FSD1L: variants seen among roughly 807,000 people sequenced by gnomAD.
FSD1L encodes fibronectin type III and SPRY domain containing 1 like, also known as FSD1-like protein.
In FSD1L, 45 loss-of-function variants were observed where a neutral mutation model predicts 71.6. The observed-to-expected ratio is 0.63, with a 90% CI of 0.49 to 0.81. The LOEUF (loss-of-function observed/expected upper bound fraction) is 0.81. Among genes scored for constraint, FSD1L ranks in the 30% least tolerant of loss-of-function variants. The pLI is 0.00. For synonymous variants in FSD1L, 197 were observed against 207.2 expected (o/e 0.95, Z 0.42); for missense variants, 561 against 618.1 (o/e 0.91, Z 0.98).
At chr9:105,543,399 C>T (rs1253231701) in intron 13 of FSD1L, among the ~76,000 whole-genome samples, 1 of 152,138 alleles carries the variant, frequency 6.6e-6, no homozygotes, top group Non-Finnish European at 1.5e-5. Context: ...TATAGCTGCT[C>T]TGTTCACAAG....
upstream of FSD1L, among the ~76,000 whole-genome samples, chr9:105,447,324 CAAAAAAAAAAAAAA>C (rs35514046): frequency 2.9e-4 from 18 of 61,552 alleles, no homozygotes; most frequent in African/African-American, 9.7e-4. Context: ...ACTCCATCTC[CAAAAAAAAAAAAAA>C]AAAAAAAAAA....
chr9:105,539,548 A>G (rs1216571233), intron 13 of FSD1L, among the ~76,000 whole-genome samples, 197 bp downstream of exon 13: 1 of 152,072 alleles, frequency 6.6e-6, no homozygotes, highest in Non-Finnish European at 1.5e-5. Flanking sequence ...ATTGAAGTTT[A>G]TGTTAATACA....
intron 6 of FSD1L, among the ~76,000 whole-genome samples, chr9:105,481,593 T>G (rs1832210023): frequency 6.6e-6 from 1 of 151,968 alleles, no homozygotes; most frequent in African/African-American, 2.4e-5. Context: ...GCCCGGCCCT[T>G]CAACTTAATT....
intron 7 of FSD1L, among the ~76,000 whole-genome samples, chr9:105,501,673 A>G (rs1182140528): frequency 6.7e-6 from 1 of 150,040 alleles, no homozygotes; most frequent in Non-Finnish European, 1.5e-5. Flanking sequence ...GCCTCAAGCC[A>G]TCCTCTAGCC....
At chr9:105,521,734 G>A (rs555619796) in intron 10 of FSD1L, 45 of 1,613,048 alleles carry the variant, frequency 2.8e-5, no homozygotes, top group Non-Finnish European at 3.5e-5. Context: ...GATCATGTTC[G>A]AAATTCCAGT....
At position 105,520,924 on chromosome 9, in the gene FSD1L, G is replaced by A. The variant is rs996807826; in HGVS notation, c.1025+7988G>A. 1.6e-5 allele frequency: 25 copies of A among 1,611,892 alleles called. No homozygotes were observed. The African/African-American group carries it at 3.2e-4, about 21-fold the overall frequency. On this transcript the variant is annotated intron_variant, in intron 10 of 13. Transcript: ENST00000481272. ...AAATACATAGTCATTCAGGTAAAAAGTTTAGAATGGAAGAACAAAGAAAAC... is the reference window on the plus strand; with the variant it reads ...AAATACATAGTCATTCAGGTAAAAAATTTAGAATGGAAGAACAAAGAAAAC...
intron 10 of FSD1L, chr9:105,521,468 G>A (rs1031842037): frequency 6.2e-7 from 1 of 1,613,690 alleles, no homozygotes; most frequent in African/African-American, 1.3e-5. Context: ...CTTCTAAAAG[G>A]AGTAATGTAA....
intron 3 of FSD1L, among the ~76,000 whole-genome samples, chr9:105,465,915 A>G (rs1271725555): frequency 6.6e-6 from 1 of 151,678 alleles, no homozygotes; most frequent in Non-Finnish European, 1.5e-5. Flanking sequence ...TCTGTCACCC[A>G]GGATGGAGTG....
At chr9:105,523,983 T>C in intron 10 of FSD1L, 1 of 1,597,072 alleles carries the variant, frequency 6.3e-7, no homozygotes, top group East Asian at 2.2e-5. Flanking sequence ...TTTGGTTTGC[T>C]TTCCCAACTT....
rs565163754 is a variant in FSD1L, at chr9:105,448,295, G to T, written c.15+60G>T. Reference sequence around the variant, plus strand: ...CAAGCCGGGCCGGCACAGGGTGGGCGGGGCGCCTGGGCCCGTGGGCTGTGG... The same window carrying T: ...CAAGCCGGGCCGGCACAGGGTGGGCTGGGCGCCTGGGCCCGTGGGCTGTGG... On this transcript the variant is annotated intron_variant, in intron 1 of 13. Coordinates refer to ENST00000481272, the MANE Select transcript of FSD1L (RefSeq NM_001145313.3). 4 of 1,450,556 alleles carry T rather than the reference G, an allele frequency of 2.8e-6. No individual in the cohort carries two copies. The African/African-American group carries it at 4.4e-5, about 16-fold the overall frequency. 89.9% of individuals were successfully genotyped at this position (1,450,556 alleles called of 1,614,324 possible). A position where few individuals can be genotyped will look rare whatever the true frequency, so the allele number is the denominator to read the frequency against.
intron 7 of FSD1L, among the ~76,000 whole-genome samples, chr9:105,495,096 C>G (rs543429485): frequency 3.5e-4 from 53 of 152,314 alleles, no homozygotes; most frequent in African/African-American, 1.2e-3. Context: ...GTGCCCTGCC[C>G]CCAGAGGTGG....
Position 105,466,782 on chromosome 9 carries a change from CAT to C in FSD1L, c.208-1410_208-1409del, listed in dbSNP as rs767730432. Among the ~76,000 whole-genome samples, 29 of 152,174 alleles carry C rather than the reference CAT, an allele frequency of 1.9e-4. No individual in the cohort carries two copies. In the East Asian group the frequency reaches 2.1e-3, roughly 11 times the overall value. On this transcript the variant is annotated intron_variant, in intron 3 of 13. Transcript: ENST00000481272. ...GCTTTCTTTAGATAAGCATAAAACT[CAT>C]GGCTATAAAGCTCTTGATCTGTGGA...
chr9:105,476,484 C>T (rs990293313), intron 5 of FSD1L, among the ~76,000 whole-genome samples: 1 of 152,108 alleles, frequency 6.6e-6, no homozygotes, highest in Non-Finnish European at 1.5e-5. Flanking sequence ...GCTCTGTTGC[C>T]AACACATTTA....
intron 4 of FSD1L, among the ~76,000 whole-genome samples, chr9:105,470,003 T>TCC (rs1831347297): frequency 6.6e-6 from 1 of 152,140 alleles, no homozygotes; most frequent in Non-Finnish European, 1.5e-5. Flanking sequence ...CTAGCACCAT[T>TCC]TATTGAAGAG....
At chr9:105,465,722 C>T (rs1831018003) in intron 3 of FSD1L, among the ~76,000 whole-genome samples, 2 of 152,146 alleles carry the variant, frequency 1.3e-5, no homozygotes, top group Non-Finnish European at 2.9e-5. Flanking sequence ...ATGATAAAGA[C>T]TCTCAACAAA....
In FSD1L at chr9:105,550,684, T is replaced by G. The variant is rs1039484443; in HGVS notation, c.*4201T>G. 1 of 152,126 alleles carries G rather than the reference T, an allele frequency of 6.6e-6. No homozygotes were observed. Among genetic ancestry groups the G allele is most frequent in the African/African-American group, 2.4e-5 (1 of 41,472 alleles). 9.4% of individuals were successfully genotyped at this position (152,126 alleles called of 1,614,324 possible). A position where few individuals can be genotyped will look rare whatever the true frequency, so the allele number is the denominator to read the frequency against. ...TGGATTACATTTGGTGTATATTGTC[T>G]TCATTGAAAAGATATTGTTGGATAT... On this transcript the variant is annotated 3_prime_UTR_variant, in exon 14 of 14. Coordinates refer to ENST00000481272, the MANE Select transcript of FSD1L (RefSeq NM_001145313.3).
chr9:105,520,101 A>G (rs1053028814), intron 10 of FSD1L: 36 of 1,553,496 alleles, frequency 2.3e-5, no homozygotes, highest in Non-Finnish European at 3.1e-5. Flanking sequence ...TGGCAGTGGC[A>G]GTGGCAGTGG....
chr9:105,460,177 A>T (rs1830598072), intron 1 of FSD1L, among the ~76,000 whole-genome samples: 1 of 152,158 alleles, frequency 6.6e-6, no homozygotes, highest in Non-Finnish European at 1.5e-5. Flanking sequence ...TTTAACACAG[A>T]TTGTAGAGTT....
intron 7 of FSD1L, among the ~76,000 whole-genome samples, chr9:105,499,478 TTGTC>T (rs1201936757): frequency 2.6e-5 from 4 of 152,082 alleles, no homozygotes; most frequent in Admixed American, 1.3e-4. Context: ...CAATTTTTAT[TTGTC>T]TGAGAGAGTT....
Sources: gnomAD v4.1 joint callset for allele counts (sites outside exome capture counted in the v4.1 genomes callset) on GRCh38, gnomAD v4.1.1 for gene constraint, MANE v1.5 for transcripts, NCBI Gene and HGNC (gene_info 2026-07-23, HGNC 2026-07-21) for gene names.